FGF13: variants seen among roughly 807,000 people sequenced by gnomAD.
FGF13 encodes fibroblast growth factor homologous factor 2.
In FGF13, 2 loss-of-function variants were observed where a neutral mutation model predicts 19.5. The ratio of observed to expected loss-of-function variants is 0.10; its 90% CI spans 0.04 to 0.32. The LOEUF (loss-of-function observed/expected upper bound fraction) is 0.32, where lower values mean the gene tolerates loss of function less well. Ranked by LOEUF, FGF13 falls within the 10% of genes least tolerant of loss-of-function variation. The pLI is 1.00. For synonymous variants in FGF13, 72 were observed against 76.9 expected (o/e 0.94, Z 0.33); for missense variants, 113 against 192.7 (o/e 0.59, Z 2.45).
At chrX:139,004,950 G>T (rs1409937418) in intron 1 of FGF13, among the ~76,000 whole-genome samples, 1 of 112,172 alleles carries the variant, frequency 8.9e-6, no homozygotes, top group African/African-American at 3.2e-5. Context: ...CCAGGCTCTA[G>T]ATCCCAGACA....
intron 3 of FGF13, among the ~76,000 whole-genome samples, chrX:138,842,571 A>G (rs1182602573): frequency 9.0e-6 from 1 of 111,156 alleles, no homozygotes; most frequent in Non-Finnish European, 1.9e-5. Context: ...ACTGGCTCTC[A>G]AAGAAGCAGA....
chrX:138,740,606 G>A (rs2090312468), upstream of FGF13, among the ~76,000 whole-genome samples: 1 of 111,189 alleles, frequency 9.0e-6, no homozygotes, highest in African/African-American at 3.3e-5. Flanking sequence ...AATTTGTTCT[G>A]CCCTGAAATC....
intron 1 of FGF13, among the ~76,000 whole-genome samples, chrX:139,063,873 G>A (rs2092344276): frequency 9.0e-6 from 1 of 111,334 alleles, no homozygotes; most frequent in Non-Finnish European, 1.9e-5. Context: ...TAACCATTTT[G>A]TTATTCAAAT....
intron 1 of FGF13, among the ~76,000 whole-genome samples, chrX:138,903,065 C>T (rs776770517): frequency 8.9e-5 from 10 of 111,800 alleles, no homozygotes; most frequent in Non-Finnish European, 1.7e-4. Context: ...CTTAATGATT[C>T]TTCCTTGCAT....
At chrX:139,087,549 C>T (rs2083412352) in intron 1 of FGF13, among the ~76,000 whole-genome samples, 1 of 111,684 alleles carries the variant, frequency 9.0e-6, no homozygotes, top group Admixed American at 9.5e-5. Context: ...CAAAATCTTT[C>T]GATAAACTGT....
intron 3 of FGF13, among the ~76,000 whole-genome samples, chrX:138,820,276 A>C (rs1212345683): frequency 8.9e-6 from 1 of 112,071 alleles, no homozygotes; most frequent in Non-Finnish European, 1.9e-5. Context: ...ACTTTCATAA[A>C]ACTCATCAAT....
chrX:138,824,205 A>C (rs56685260), intron 3 of FGF13, among the ~76,000 whole-genome samples: 11,636 of 111,338 alleles, frequency 0.1, 587 homozygotes, highest in South Asian at 0.17. Flanking sequence ...GCTGACTACA[A>C]ATGGGGTAAG....
chrX:138,753,676 C>T (rs940474247), intron 3 of FGF13, among the ~76,000 whole-genome samples: 1 of 111,653 alleles, frequency 9.0e-6, no homozygotes, highest in South Asian at 3.8e-4. Context: ...TTATGAAATG[C>T]CTCAAGTTAA....
chrX:138,961,175 G>A (rs765903794), intron 1 of FGF13, among the ~76,000 whole-genome samples: 23 of 111,472 alleles, frequency 2.1e-4, no homozygotes, highest in Non-Finnish European at 3.8e-4. Context: ...TGATGATGGT[G>A]ACCTACAGAT....
intron 1 of FGF13, among the ~76,000 whole-genome samples, chrX:139,188,700 C>CA (rs768177270): frequency 4.8e-4 from 54 of 111,502 alleles, no homozygotes; most frequent in Non-Finnish European, 8.3e-4. Flanking sequence ...GAGTTGAAAA[C>CA]AAAAAAAACT....
At chrX:138,690,096 T>C (rs1236491038) in intron 3 of FGF13, among the ~76,000 whole-genome samples, 1 of 111,548 alleles carries the variant, frequency 9.0e-6, no homozygotes, top group Non-Finnish European at 1.9e-5. Context: ...AATACATGTG[T>C]TTTGTATCCA....
At chrX:139,128,638 A>C (rs1014673288) in intron 1 of FGF13, among the ~76,000 whole-genome samples, 23 of 112,767 alleles carry the variant, frequency 2.0e-4, no homozygotes, top group African/African-American at 7.4e-4. Context: ...ACCTTGAACA[A>C]GTCAGTCTGC....
intron 1 of FGF13, among the ~76,000 whole-genome samples, chrX:139,200,187 C>T (rs67265560): frequency 0.2 from 21,912 of 111,650 alleles, 4,129 homozygotes; most frequent in African/African-American, 0.59. Flanking sequence ...ACTGTTACTT[C>T]TTAATAAGAG....
intron 1 of FGF13, among the ~76,000 whole-genome samples, chrX:138,910,077 C>T (rs1225236794): frequency 3.6e-5 from 4 of 111,129 alleles, no homozygotes; most frequent in Non-Finnish European, 7.5e-5. Flanking sequence ...GTTAATCTAG[C>T]CCACCAGCTT....
rs1477376621 is a variant in FGF13 at position 138,635,576 on chromosome X, C to T, written c.482G>A (p.Arg161His). 8 of 1,206,960 alleles carry T rather than the reference C, an allele frequency of 6.6e-6. No individual in the cohort carries two copies. Among genetic ancestry groups the T allele is most frequent in the Admixed American group, 2.2e-5 (1 of 45,602 alleles). The change falls in exon 4 of 5, where the codon CGT (arginine) becomes CAT (histidine). Residue 161 changes from arginine to histidine, a missense_variant. Around this residue, in one of 4 missense-constraint regions of FGF13, gnomAD observed 14 missense variants for 44.7 expected, o/e 0.31. Transcript: ENST00000315930. ...YYVTYSSMIY[R>H]QQQSGRGWYL... ...CCACCCTCGGCCTGACTGCTGCTGACGGTATATCATTGATGAATATGTCAC... is the reference window on the plus strand; with the variant it reads ...CCACCCTCGGCCTGACTGCTGCTGATGGTATATCATTGATGAATATGTCAC...
At chrX:138,766,741 G>C (rs145704432) in intron 3 of FGF13, among the ~76,000 whole-genome samples, 1 of 111,826 alleles carries the variant, frequency 8.9e-6, no homozygotes, top group Non-Finnish European at 1.9e-5. Flanking sequence ...AGACCAAAGT[G>C]AAGGAGAGAG....
intron 3 of FGF13, among the ~76,000 whole-genome samples, chrX:138,661,734 A>G (rs1309718465): frequency 3.6e-5 from 4 of 112,003 alleles, no homozygotes; most frequent in South Asian, 7.5e-4. Flanking sequence ...GTTGAAGATC[A>G]GTATTTCCTT....
At chrX:138,754,472 G>A (rs181294709) in intron 3 of FGF13, among the ~76,000 whole-genome samples, 22 of 110,842 alleles carry the variant, frequency 2.0e-4, no homozygotes, top group African/African-American at 6.2e-4. Flanking sequence ...TCTCCCACTA[G>A]GCTTTTGCAT....
chrX:139,142,889 A>G (rs1192164236), intron 1 of FGF13, among the ~76,000 whole-genome samples: 1 of 111,777 alleles, frequency 8.9e-6, no homozygotes, highest in Non-Finnish European at 1.9e-5. Flanking sequence ...CTGCTATTAG[A>G]AAAAGGTTCA....
Sources: allele counts gnomAD v4.1 joint callset (sites outside exome capture counted in the v4.1 genomes callset), GRCh38; gene constraint gnomAD v4.1.1; regional missense constraint gnomAD v4.1.1; transcripts MANE v1.5; gene names NCBI Gene and HGNC (gene_info 2026-07-23, HGNC 2026-07-21).